BCLAF3: variants seen among roughly 807,000 people sequenced by gnomAD.
The protein encoded by BCLAF3 is transient octamer binding factor 1.
BCLAF3 carries 24 observed loss-of-function variants against 51.2 expected under a neutral mutation model. That is an observed-to-expected ratio of 0.47 (90% CI 0.34 to 0.66). The LOEUF (loss-of-function observed/expected upper bound fraction) is 0.66, where lower values mean the gene tolerates loss of function less well. Among genes scored for constraint, BCLAF3 ranks in the 30% least tolerant of loss-of-function variants. BCLAF3 has a pLI of 0.01. For synonymous variants in BCLAF3, 152 were observed against 176.6 expected (o/e 0.86, Z 1.10); for missense variants, 465 against 525.1 (o/e 0.89, Z 1.12).
At chrX:19,925,534 C>A (rs1184960862) in intron 11 of BCLAF3, among the ~76,000 whole-genome samples, 1 of 111,491 alleles carries the variant, frequency 9.0e-6, no homozygotes, top group Non-Finnish European at 1.9e-5. Context: ...AGAACGAATT[C>A]TCCAGGAGGG....
rs2071628627 is a variant in BCLAF3, at chrX:19,955,402, T to A, written c.1439A>T (p.His480Leu). 8.4e-7 allele frequency: 1 copy of A among 1,193,160 alleles called. No individual in the cohort carries two copies. The highest frequency in any genetic ancestry group is 1.1e-6 in the Non-Finnish European group (1 of 887,930). ...EFAQEIITII[H>L]QVKANYFPSP... ...CAAAATATACCAACCTTTAACTTGA[T>A]GGATTATTGTTATGATTTCCTGAGC... Residue 480 changes from histidine (H) to leucine (L), a missense_variant, in exon 5 of 12, where the codon CAT becomes CTT. Physicochemically the swap from His to Leu is moderately conservative, Grantham distance 99. Coordinates refer to ENST00000379682, the MANE Select transcript of BCLAF3 (RefSeq NM_001367774.2).
chrX:19,937,471 GT>G lies in BCLAF3; in HGVS notation c.1806del (p.Lys602AsnfsTer6). 2.5e-6 allele frequency: 3 copies of G among 1,187,732 alleles called. No homozygotes were observed. Among genetic ancestry groups the G allele is most frequent in the Non-Finnish European group, 3.4e-6 (3 of 876,593 alleles). On this transcript the variant is annotated frameshift_variant, in exon 9 of 12. Coordinates refer to ENST00000379682, the MANE Select transcript of BCLAF3 (RefSeq NM_001367774.2). LOFTEE classifies it high-confidence loss of function. ...VKNVHTDGFQ[K>X]PTHFIKSNFR... ...AAATTTGATTTTATAAAATGTGTGG[GT>G]TTTTGGAATCCATCAGTATGAACAT...
At chrX:19,971,442 A>G (rs1291994253) in intron 1 of BCLAF3, among the ~76,000 whole-genome samples, 1 of 112,412 alleles carries the variant, frequency 8.9e-6, no homozygotes, top group African/African-American at 3.2e-5. Context: ...AATATGCCCA[A>G]AATATAATTG....
chrX:19,981,119 G>A lies in BCLAF3; in HGVS notation c.-35+9789C>T, dbSNP rs528855919. Among the ~76,000 whole-genome samples, 50 of 110,849 alleles carry A rather than the reference G, an allele frequency of 4.5e-4. No individual in the cohort carries two copies. The East Asian group carries it at 4.8e-3, about 11-fold the overall frequency. ...AAATAGATACACCAGATATTAAGAGGTTAAACAAATCAACACCGGGTGCTG... is the reference window on the plus strand; with the variant it reads ...AAATAGATACACCAGATATTAAGAGATTAAACAAATCAACACCGGGTGCTG... On this transcript the variant is annotated intron_variant, in intron 1 of 11. Coordinates refer to ENST00000379682, the MANE Select transcript of BCLAF3 (RefSeq NM_001367774.2).
chrX:19,934,436 T>C (rs1202708393), intron 10 of BCLAF3, among the ~76,000 whole-genome samples: 1 of 112,000 alleles, frequency 8.9e-6, no homozygotes, highest in African/African-American at 3.2e-5. Context: ...ACTCAAGAGA[T>C]CAAAAGATGG....
chrX:19,978,727 C>T (rs760001372), intron 1 of BCLAF3, among the ~76,000 whole-genome samples: 2 of 110,697 alleles, frequency 1.8e-5, no homozygotes, highest in Admixed American at 9.6e-5. Context: ...TGCTATCAAA[C>T]AGCATCTATG....
chrX:19,939,547 T>G (rs181416297), intron 8 of BCLAF3, among the ~76,000 whole-genome samples: 2 of 111,509 alleles, frequency 1.8e-5, no homozygotes, highest in African/African-American at 3.3e-5. Flanking sequence ...GAAATGCAAA[T>G]CAAAACCACA....
At chrX:19,932,776 C>T (rs754014946) in intron 10 of BCLAF3, among the ~76,000 whole-genome samples, 14 of 111,194 alleles carry the variant, frequency 1.3e-4, no homozygotes, top group Admixed American at 1.9e-4. Context: ...AAGTGATCTG[C>T]CCGCCTCAGC....
chrX:19,977,094 G>C (rs1485333442), intron 1 of BCLAF3, among the ~76,000 whole-genome samples: 1 of 111,517 alleles, frequency 9.0e-6, no homozygotes, highest in Non-Finnish European at 1.9e-5. Flanking sequence ...TATGTGTTCT[G>C]ATGGGGCATT....
At position 19,966,248 on chromosome X, in the gene BCLAF3, C is replaced by T. The variant is rs745323603; in HGVS notation, c.443G>A (p.Ser148Asn). The change falls in exon 3 of 12, where the codon AGT (serine) becomes AAT (asparagine). Residue 148 changes from serine (S) to asparagine (N), a missense_variant. Ser to Asn is a conservative substitution (Grantham distance 46). Transcript: ENST00000379682. Reference protein sequence around the residue: ...HSPDDHRVRGSGKGGKPPQRS... With the variant: ...HSPDDHRVRGNGKGGKPPQRS... ...CTGAGGTGGTTTCCCTCCTTTTCCA[C>T]TTCCTCTAACTCTGTGGTCATCAGG... 17 of 1,211,563 alleles carry T rather than the reference C, an allele frequency of 1.4e-5. No homozygotes were observed. Among genetic ancestry groups the T allele is most frequent in the Non-Finnish European group, 1.9e-5 (17 of 895,509 alleles).
chrX:19,935,681 G>T, intron 10 of BCLAF3, 128 bp downstream of exon 10: 1 of 528,055 alleles, frequency 1.9e-6, no homozygotes, highest in Non-Finnish European at 3.2e-6. Flanking sequence ...TAAATGTCCA[G>T]AAATACTAGT....
intron 1 of BCLAF3, among the ~76,000 whole-genome samples, chrX:19,986,295 T>G (rs958225654): frequency 8.1e-5 from 9 of 111,747 alleles, no homozygotes. Flanking sequence ...ATAGACCAAT[T>G]TCCACAGAAA....
intron 11 of BCLAF3, 198 bp downstream of exon 11, chrX:19,929,587 C>A (rs2070472425): frequency 8.6e-6 from 3 of 349,594 alleles, no homozygotes; most frequent in African/African-American, 2.7e-5. Context: ...TGCCTAAAAG[C>A]ATTTTAAGGT....
chrX:19,940,207 T>A (rs1485865503), intron 8 of BCLAF3, among the ~76,000 whole-genome samples: 1 of 112,011 alleles, frequency 8.9e-6, no homozygotes, highest in Admixed American at 9.4e-5. Flanking sequence ...GGCATGGCCA[T>A]GGGACTAAAT....
intron 2 of BCLAF3, among the ~76,000 whole-genome samples, chrX:19,969,052 G>T (rs940870323): frequency 8.9e-6 from 1 of 112,045 alleles, no homozygotes; most frequent in African/African-American, 3.2e-5. Context: ...GACGGAGCTT[G>T]CAGTGAGCTG....
At chrX:19,969,963 C>G (rs1483958079) in intron 2 of BCLAF3, among the ~76,000 whole-genome samples, 1 of 112,039 alleles carries the variant, frequency 8.9e-6, no homozygotes, top group Non-Finnish European at 1.9e-5. Flanking sequence ...CTCACTAATT[C>G]AAAAAATGTA....
intron 3 of BCLAF3, 24 bp downstream of exon 3, chrX:19,966,056 C>T: frequency 8.7e-7 from 1 of 1,154,195 alleles, no homozygotes; most frequent in Non-Finnish European, 1.2e-6. Context: ...TACCAAATTA[C>T]CCAGGTTTAA....
In BCLAF3 at chrX:19,979,137, A is replaced by G. The variant is rs2072528634; in HGVS notation, c.-34-8839T>C. Among the ~76,000 whole-genome samples the G allele has an allele frequency of 3.6e-5, 4 of 110,712 alleles. No individual in the cohort carries two copies. In the East Asian group the frequency reaches 1.1e-3, roughly 32 times the overall value. On this transcript the variant is annotated intron_variant, in intron 1 of 11. Coordinates refer to ENST00000379682, the MANE Select transcript of BCLAF3 (RefSeq NM_001367774.2). ...TAGCCAGGTGTGGTGGCATACACCT[A>G]TAATCCCAGCTACTTGGAAGGCTGA...
chrX:19,974,903 A>C (rs1220037022), intron 1 of BCLAF3, among the ~76,000 whole-genome samples: 1 of 111,133 alleles, frequency 9.0e-6, no homozygotes, highest in East Asian at 2.8e-4. Context: ...TAAATAAATA[A>C]ATTTCAAACT....
Sources: allele counts gnomAD v4.1 joint callset (sites outside exome capture counted in the v4.1 genomes callset), GRCh38; gene constraint gnomAD v4.1.1; transcripts MANE v1.5; gene names NCBI Gene and HGNC (gene_info 2026-07-23, HGNC 2026-07-21).